The following HERC3 variants were observed in gnomAD, a reference collection of about 807,000 sequenced individuals.
HERC3 encodes the protein HECT and RLD domain containing E3 ubiquitin protein ligase 3, also known as probable E3 ubiquitin-protein ligase HERC3.
In HERC3, 58 loss-of-function variants were observed where a neutral mutation model predicts 129.9. The ratio of observed to expected loss-of-function variants is 0.45; its 90% CI spans 0.36 to 0.56. The LOEUF is 0.56. Ranked by LOEUF, HERC3 falls within the 20% of genes least tolerant of loss-of-function variation. HERC3 has a pLI of 0.00. For missense variants in HERC3, 835 were observed against 1,244.2 expected (o/e 0.67, Z 4.95); for synonymous variants, 430 against 451.0 (o/e 0.95, Z 0.59).
In HERC3 at chr4:88,603,269, G is replaced by A. The variant is rs573363487; in HGVS notation, c.-29-2526G>A. The stretch of plus-strand genomic sequence containing the variant: ...GTTGCCCAGGCTGGAGTGCAGTGGC[G>A]CCATCTTGGCTCACTGCAACCTCTG... On this transcript the variant is annotated intron_variant, in intron 2 of 25. Coordinates refer to ENST00000402738, the MANE Select transcript of HERC3 (RefSeq NM_014606.3). Among the ~76,000 whole-genome samples the A allele has an allele frequency of 1.4e-3, 212 of 148,812 alleles. 2 individuals are homozygous for A. Among genetic ancestry groups the A allele is most frequent in the African/African-American group, 4.9e-3 (196 of 40,280 alleles).
chr4:88,526,456 C>T, the HERC3 span, among the ~76,000 whole-genome samples: 1 of 152,154 alleles, frequency 6.6e-6, no homozygotes, highest in Non-Finnish European at 1.5e-5. Context: ...TTTATCTCTG[C>T]TTGATCTTTT....
At chr4:88,645,260 G>C (rs755734694) in intron 3 of HERC3, among the ~76,000 whole-genome samples, 14 of 152,176 alleles carry the variant, frequency 9.2e-5, no homozygotes, top group South Asian at 4.2e-4. Flanking sequence ...GTGAATGTGA[G>C]GACTTAGAAT....
chr4:88,603,136 C>T lies in HERC3; in HGVS notation c.-29-2659C>T, dbSNP rs369336026. On this transcript the variant is annotated intron_variant, in intron 2 of 25. Coordinates refer to ENST00000402738, the MANE Select transcript of HERC3 (RefSeq NM_014606.3). ...AAAATTCATCTGCTGTTCTCTGCCACGGAGAATCTACTGTTTACTGGCCAG... is the reference window on the plus strand; with the variant it reads ...AAAATTCATCTGCTGTTCTCTGCCATGGAGAATCTACTGTTTACTGGCCAG... 2.4e-4 allele frequency among the ~76,000 whole-genome samples: 36 copies of T among 151,854 alleles called. No homozygotes were observed. The South Asian group carries it at 6.5e-3, about 27-fold the overall frequency.
rs1734750796 is a variant in HERC3, at chr4:88,697,568, G to C, written c.2658-6530G>C. ...TCGATAAAGTCATTTTTCGGCTTTG[G>C]GGCATTCTCTGCAGGGGTCTGGGGC... On this transcript the variant is annotated intron_variant, in intron 23 of 25. Transcript: ENST00000402738. The C allele has an allele frequency of 1.9e-6, 3 of 1,614,020 alleles. No individual in the cohort carries two copies. In the East Asian group the frequency reaches 6.7e-5, roughly 36 times the overall value.
chr4:88,634,848 A>T (rs1282468603), intron 3 of HERC3, among the ~76,000 whole-genome samples: 1 of 152,092 alleles, frequency 6.6e-6, no homozygotes, highest in Non-Finnish European at 1.5e-5. Context: ...ACATTTCCAG[A>T]TGCAGGAGTG....
the HERC3 span, among the ~76,000 whole-genome samples, chr4:88,562,238 C>A: frequency 6.6e-6 from 1 of 152,156 alleles, no homozygotes; most frequent in Non-Finnish European, 1.5e-5. Flanking sequence ...TTGCATTTTT[C>A]TGGTGATCAG....
intron 21 of HERC3, chr4:88,684,988 G>GA (rs1231276870): frequency 2.6e-5 from 4 of 152,194 alleles, no homozygotes; most frequent in African/African-American, 7.2e-5. Context: ...ACAAACGTAT[G>GA]AAAAAAGCTC....
chr4:88,608,272 T>G (rs1480849189), intron 3 of HERC3, among the ~76,000 whole-genome samples: 1 of 152,142 alleles, frequency 6.6e-6, no homozygotes, highest in Non-Finnish European at 1.5e-5. Context: ...AGCTTCCAAT[T>G]CCTCATTCTT....
At chr4:88,619,822 A>G (rs376093673) in intron 3 of HERC3, among the ~76,000 whole-genome samples, 37 of 152,338 alleles carry the variant, frequency 2.4e-4, no homozygotes, top group African/African-American at 8.4e-4. Flanking sequence ...GCAAATGGCC[A>G]GTGAATTTAT....
At chr4:88,579,398 T>C in the HERC3 span, among the ~76,000 whole-genome samples, 2 of 151,822 alleles carry the variant, frequency 1.3e-5, no homozygotes, top group Non-Finnish European at 2.9e-5. Context: ...TAGAGTGAGA[T>C]TCCATCTGAA....
At chr4:88,575,395 C>G in the HERC3 span, among the ~76,000 whole-genome samples, 267 of 152,314 alleles carry the variant, frequency 1.8e-3, no homozygotes, top group Admixed American at 2.7e-3. Flanking sequence ...CTCAGCCTGT[C>G]AAAGCTGACA....
Position 88,693,647 on chromosome 4 carries a change from A to G in HERC3, c.2657+6348A>G, listed in dbSNP as rs1734298348. 10 of 981,922 alleles carry G rather than the reference A, an allele frequency of 1.0e-5. No individual in the cohort carries two copies. In the South Asian group the frequency reaches 4.2e-4, roughly 42 times the overall value. The allele number at this position is 981,922 out of a possible 1,614,324, so 60.8% of individuals were successfully genotyped here. ...TTTATGTTATGCAAATTTCACCTCA[A>G]TAAAGTGTGTACATGTGTGTATATG... On this transcript the variant is annotated intron_variant, in intron 23 of 25. Transcript: ENST00000402738.
chr4:88,546,836 T>C, the HERC3 span, among the ~76,000 whole-genome samples: 1 of 152,244 alleles, frequency 6.6e-6, no homozygotes, highest in East Asian at 1.9e-4. Flanking sequence ...GCCTCTGTCA[T>C]AGAGTTTCAG....
chr4:88,684,600 A>C (rs1417792021), intron 21 of HERC3, among the ~76,000 whole-genome samples: 4 of 152,236 alleles, frequency 2.6e-5, no homozygotes, highest in Non-Finnish European at 4.4e-5. Context: ...AAGCAAGGGC[A>C]ACAAAAGCCA....
chr4:88,548,664 C>CTT, the HERC3 span, among the ~76,000 whole-genome samples: 5 of 139,784 alleles, frequency 3.6e-5, no homozygotes, highest in Non-Finnish European at 4.7e-5. Context: ...GTCATCTTTT[C>CTT]TTTTTTTTTT....
chr4:88,531,584 A>G, the HERC3 span, among the ~76,000 whole-genome samples: 1 of 152,180 alleles, frequency 6.6e-6, no homozygotes, highest in African/African-American at 2.4e-5. Context: ...TTGCTCTCTC[A>G]ACCTCCATCT....
At chr4:88,580,080 C>T in the HERC3 span, among the ~76,000 whole-genome samples, 1 of 152,100 alleles carries the variant, frequency 6.6e-6, no homozygotes, top group South Asian at 2.1e-4. Flanking sequence ...TCATTTGTTA[C>T]AGCAGCAATA....
the HERC3 span, among the ~76,000 whole-genome samples, chr4:88,556,702 C>T: frequency 6.6e-6 from 1 of 152,114 alleles, no homozygotes. Context: ...CAGCCATCTT[C>T]CTCAGACACC....
chr4:88,704,878 T>TTTTTTTG (rs1414860304), intron 25 of HERC3, among the ~76,000 whole-genome samples: 85 of 150,952 alleles, frequency 5.6e-4, no homozygotes, highest in African/African-American at 1.9e-3. Flanking sequence ...TTTTTTTTTT[T>TTTTTTTG]GAGACAGAGT....
Sources: gnomAD v4.1 joint callset for allele counts (sites outside exome capture counted in the v4.1 genomes callset) on GRCh38, gnomAD v4.1.1 for gene constraint, MANE v1.5 for transcripts, NCBI Gene and HGNC (gene_info 2026-07-23, HGNC 2026-07-21) for gene names.